The following SMARCA2 variants were observed in gnomAD, a reference collection of about 807,000 sequenced individuals.
The protein encoded by SMARCA2 is SWI/SNF related BAF chromatin remodeling complex subunit ATPase 2, also known as SWI/SNF-related matrix-associated actin-dependent regulator of chromatin subfamily A member 2.
In SMARCA2, 61 loss-of-function variants were observed where a neutral mutation model predicts 199.8. The observed-to-expected ratio is 0.31, with a 90% CI of 0.25 to 0.38. SMARCA2 has a LOEUF of 0.38. SMARCA2 is among the 10% of genes least tolerant of loss of function. SMARCA2 has a pLI of 1.00. For missense variants in SMARCA2, 1,344 were observed against 2,012.2 expected (o/e 0.67, Z 6.35); for synonymous variants, 935 against 732.0 (o/e 1.28, Z -4.48).
chr9:2,166,392 G>A (rs1825930970), intron 28 of SMARCA2, among the ~76,000 whole-genome samples: 1 of 152,116 alleles, frequency 6.6e-6, no homozygotes, highest in South Asian at 2.1e-4. Context: ...TTAACTCATT[G>A]AATATGTGAC....
intron 27 of SMARCA2, chr9:2,158,610 C>G: frequency 4.4e-6 from 1 of 224,972 alleles, no homozygotes; most frequent in Non-Finnish European, 8.6e-6. Flanking sequence ...GAAGGGAATT[C>G]TTTTTGGGGG....
chr9:2,024,567 C>G (rs1185965971), intron 1 of SMARCA2, among the ~76,000 whole-genome samples: 1 of 152,176 alleles, frequency 6.6e-6, no homozygotes, highest in African/African-American at 2.4e-5. Flanking sequence ...CTTTACTTCT[C>G]TAGCCTGTGG....
chr9:2,099,395 A>G (rs750414367), intron 21 of SMARCA2, among the ~76,000 whole-genome samples: 3 of 152,190 alleles, frequency 2.0e-5, no homozygotes, highest in African/African-American at 4.8e-5. Flanking sequence ...TTAAGCATCA[A>G]TCTTACTTCG....
At chr9:2,042,618 C>G (rs1025086923) in intron 4 of SMARCA2, 2 of 151,658 alleles carry the variant, frequency 1.3e-5, no homozygotes, top group Admixed American at 6.6e-5. Context: ...CAACCCAATC[C>G]TGAGTGCCTT....
intron 31 of SMARCA2, among the ~76,000 whole-genome samples, chr9:2,184,265 A>C (rs1827266399): frequency 1.3e-5 from 2 of 152,070 alleles, no homozygotes; most frequent in South Asian, 4.2e-4. Context: ...TTCGAGACTC[A>C]CATGCAGTTG....
At chr9:2,158,575 C>G (rs1825496370) in intron 27 of SMARCA2, 1 of 180,384 alleles carries the variant, frequency 5.5e-6, no homozygotes, top group Non-Finnish European at 1.1e-5. Flanking sequence ...TGATTTATTT[C>G]ATTATTGTGC....
chr9:2,116,484 A>T (rs1379892773), intron 25 of SMARCA2, among the ~76,000 whole-genome samples: 1 of 152,182 alleles, frequency 6.6e-6, no homozygotes, highest in Admixed American at 6.5e-5. Context: ...GAGCTTCAAC[A>T]TGTTTGTAGG....
intron 25 of SMARCA2, among the ~76,000 whole-genome samples, chr9:2,116,635 G>A (rs188731089): frequency 7.2e-5 from 11 of 152,250 alleles, no homozygotes; most frequent in African/African-American, 2.4e-4. Flanking sequence ...TATTTGTCAG[G>A]GTTGTATGAA....
chr9:2,089,343 T>TA (rs1349507507), intron 19 of SMARCA2, among the ~76,000 whole-genome samples: 1 of 152,212 alleles, frequency 6.6e-6, no homozygotes, highest in Admixed American at 6.5e-5. Context: ...TTCATTCTCT[T>TA]AGAGACAGTT....
At chr9:2,139,804 T>G (rs1047577704) in intron 27 of SMARCA2, among the ~76,000 whole-genome samples, 1 of 152,186 alleles carries the variant, frequency 6.6e-6, no homozygotes, top group Non-Finnish European at 1.5e-5. Flanking sequence ...GAAAAATACC[T>G]GGTTATTGTT....
chr9:2,191,154 T>C (rs1827851172), intron 32 of SMARCA2, 112 bp from the exon 33 acceptor site: 1 of 1,036,044 alleles, frequency 9.7e-7, no homozygotes, highest in Non-Finnish European at 1.5e-6. Context: ...GGGAATGTTC[T>C]GGGCACTCTG....
At position 2,161,957 on chromosome 9, in the gene SMARCA2, G is replaced by T. The variant is rs373985339; in HGVS notation, c.4199+54G>T. On this transcript the variant is annotated intron_variant, in intron 28 of 33. Coordinates refer to ENST00000349721, the MANE Select transcript of SMARCA2 (RefSeq NM_003070.5). The surrounding 1 kb of genome is among the most constrained non-coding windows in gnomAD (Gnocchi z 4.7). ...ATCTCTCACCAAGACGCCGAGTGGC[G>T]CTCCCTGAGGAGCAGGAGTTGTTAA... 4.2e-6 allele frequency: 6 copies of T among 1,422,426 alleles called. No homozygotes were observed. In the South Asian group the frequency reaches 7.2e-5, roughly 17 times the overall value. 88.1% of individuals were successfully genotyped at this position (1,422,426 alleles called of 1,614,324 possible). A position where few individuals can be genotyped will look rare whatever the true frequency, so the allele number is the denominator to read the frequency against.
intron 27 of SMARCA2, among the ~76,000 whole-genome samples, chr9:2,146,291 C>A (rs138774002): frequency 6.6e-6 from 1 of 152,282 alleles, no homozygotes; most frequent in African/African-American, 2.4e-5. Flanking sequence ...GGCCCCACCT[C>A]CTAATACCAT....
chr9:2,189,543 G>T (rs1041515770), intron 32 of SMARCA2, among the ~76,000 whole-genome samples: 2 of 152,038 alleles, frequency 1.3e-5, no homozygotes, highest in African/African-American at 4.8e-5. Context: ...GTTTAGAAAT[G>T]CCCATTATGA....
chr9:2,065,346 A>G (rs574647470), intron 9 of SMARCA2, among the ~76,000 whole-genome samples: 37 of 152,318 alleles, frequency 2.4e-4, no homozygotes, highest in Non-Finnish European at 4.4e-4. Flanking sequence ...AACATATGAT[A>G]CTAATGGGCA....
Position 2,110,462 on chromosome 9 carries a change from A to G in SMARCA2, c.3456+45A>G, listed in dbSNP as rs74370120. The G allele has an allele frequency of 6.9e-7, 1 of 1,449,232 alleles. No homozygotes were observed. The highest frequency in any genetic ancestry group is 9.3e-7 in the Non-Finnish European group (1 of 1,072,028). 89.8% of individuals were successfully genotyped at this position (1,449,232 alleles called of 1,614,324 possible). On this transcript the variant is annotated intron_variant, in intron 24 of 33. Coordinates refer to ENST00000349721, the MANE Select transcript of SMARCA2 (RefSeq NM_003070.5). This position sits in a 1 kb window ranked among gnomAD's most constrained non-coding sequence, Gnocchi z 4.8. Reference sequence around the variant, plus strand: ...GTGCCCAGGCCTCCCTCTGGAGAGCAACTAAAAGATGATCAGTTTCATTAT... The same window carrying G: ...GTGCCCAGGCCTCCCTCTGGAGAGCGACTAAAAGATGATCAGTTTCATTAT...
chr9:2,083,356 T>G lies in SMARCA2; in HGVS notation c.2358T>G (p.Ser786=), dbSNP rs1821652835. 1 of 1,592,284 alleles carries G rather than the reference T, an allele frequency of 6.3e-7. No homozygotes were observed. The highest frequency in any genetic ancestry group is 8.6e-7 in the Non-Finnish European group (1 of 1,164,602). ...TTTTTTTGTTCCATAGGACTCTATC[T>G]AACTGGACATATGAATTTGACAAAT... ...YLIIVPLSTL[S]NWTYEFDKWA... Residue 786 remains serine (S), a synonymous_variant, in exon 16 of 34, where the codon TCT becomes TCG. Coordinates refer to ENST00000349721, the MANE Select transcript of SMARCA2 (RefSeq NM_003070.5).
chr9:2,153,423 T>G (rs1825183663), intron 27 of SMARCA2, among the ~76,000 whole-genome samples: 1 of 151,954 alleles, frequency 6.6e-6, no homozygotes, highest in Admixed American at 6.6e-5. Flanking sequence ...GTCCCAGCTC[T>G]CAGGAGGGTG....
intron 21 of SMARCA2, among the ~76,000 whole-genome samples, chr9:2,097,977 A>T (rs1470642713): frequency 6.6e-6 from 1 of 152,184 alleles, no homozygotes; most frequent in African/African-American, 2.4e-5. Context: ...TGTCATGATG[A>T]TGTAAATCCA....
Sources: gnomAD v4.1 joint callset for allele counts (sites outside exome capture counted in the v4.1 genomes callset) on GRCh38, gnomAD v4.1.1 for gene constraint, Gnocchi (gnomAD v3.1) non-coding constraint, MANE v1.5 for transcripts, NCBI Gene and HGNC (gene_info 2026-07-23, HGNC 2026-07-21) for gene names.